Variants in PARM1 observed in about 807,000 individuals in gnomAD.
The protein encoded by PARM1 is WSC4, cell wall integrity and stress response component 4 homolog.
A neutral mutation model predicts 24.6 loss-of-function variants in PARM1; 14 were observed. That is an observed-to-expected ratio of 0.57 (90% CI 0.38 to 0.89). The LOEUF is 0.89. PARM1 is among the 40% of genes least tolerant of loss of function. The pLI, the probability that PARM1 is intolerant of heterozygous loss-of-function variation, is 0.00. For synonymous variants in PARM1, 179 were observed against 156.6 expected (o/e 1.14, Z -1.07); for missense variants, 362 against 380.4 (o/e 0.95, Z 0.40).
intron 1 of PARM1, among the ~76,000 whole-genome samples, chr4:74,981,719 A>G (rs2109772651): frequency 6.6e-6 from 1 of 152,120 alleles, no homozygotes; most frequent in Admixed American, 6.5e-5. Context: ...TACTAAAACT[A>G]CAAAAATTAG....
chr4:74,941,579 G>T (rs756667013), intron 1 of PARM1, among the ~76,000 whole-genome samples: 6 of 152,128 alleles, frequency 3.9e-5, no homozygotes, highest in African/African-American at 7.2e-5. Context: ...AGCAATAAGG[G>T]ATACCTCTTC....
At chr4:74,946,443 C>T (rs911222977) in intron 1 of PARM1, among the ~76,000 whole-genome samples, 1 of 152,278 alleles carries the variant, frequency 6.6e-6, no homozygotes, top group Non-Finnish European at 1.5e-5. Context: ...AGTCTTGGGA[C>T]TTATTTAGGC....
intron 1 of PARM1, among the ~76,000 whole-genome samples, chr4:75,006,980 C>A (rs1243821073): frequency 6.6e-6 from 1 of 152,110 alleles, no homozygotes; most frequent in Admixed American, 6.5e-5. Flanking sequence ...ACCCATCTGA[C>A]AAAGGGCTAA....
intron 3 of PARM1, among the ~76,000 whole-genome samples, chr4:75,034,385 C>T (rs144389508): frequency 7.9e-5 from 12 of 152,194 alleles, no homozygotes; most frequent in African/African-American, 1.2e-4. Context: ...GGATTTGTAC[C>T]CAATCTGTTA....
chr4:74,981,037 A>G (rs1003753618), intron 1 of PARM1, among the ~76,000 whole-genome samples: 1 of 152,220 alleles, frequency 6.6e-6, no homozygotes, highest in Non-Finnish European at 1.5e-5. Context: ...AATACCATTC[A>G]GAACATAGGC....
chr4:74,937,843 T>C (rs1052846317), intron 1 of PARM1, among the ~76,000 whole-genome samples: 1 of 152,240 alleles, frequency 6.6e-6, no homozygotes, highest in African/African-American at 2.4e-5. Flanking sequence ...GAAGAAAATA[T>C]TCTGAGCCTA....
chr4:75,005,598 C>T (rs1011072530), intron 1 of PARM1, among the ~76,000 whole-genome samples: 2 of 152,178 alleles, frequency 1.3e-5, no homozygotes, highest in Non-Finnish European at 2.9e-5. Context: ...ATCAGCCCCC[C>T]ACATCCCTCC....
At chr4:74,989,619 T>G (rs1174820256) in intron 1 of PARM1, among the ~76,000 whole-genome samples, 1 of 152,116 alleles carries the variant, frequency 6.6e-6, no homozygotes, top group Non-Finnish European at 1.5e-5. Context: ...CATAATTGAT[T>G]AAATCATTGG....
intron 1 of PARM1, among the ~76,000 whole-genome samples, chr4:74,979,205 T>A (rs981300942): frequency 3.9e-4 from 58 of 150,042 alleles, no homozygotes; most frequent in African/African-American, 1.4e-3. Flanking sequence ...TTAAAAAAAA[T>A]ATTAAAATAG....
chr4:74,968,197 G>T (rs1211130300), intron 1 of PARM1, among the ~76,000 whole-genome samples: 2 of 152,192 alleles, frequency 1.3e-5, no homozygotes, highest in Admixed American at 1.3e-4. Flanking sequence ...TTGTCTCCTG[G>T]AAAGCAGAGG....
intron 1 of PARM1, among the ~76,000 whole-genome samples, chr4:74,991,591 T>G (rs574157242): frequency 6.6e-6 from 1 of 152,174 alleles, no homozygotes; most frequent in Admixed American, 6.6e-5. Context: ...CGCATACTTA[T>G]GTAGAAACAT....
At chr4:74,951,180 T>C (rs186508153) in intron 1 of PARM1, among the ~76,000 whole-genome samples, 1 of 152,350 alleles carries the variant, frequency 6.6e-6, no homozygotes, top group Non-Finnish European at 1.5e-5. Context: ...ACAAGGATAG[T>C]AGCAGGTATA....
chr4:74,973,032 C>T (rs1485954357), intron 1 of PARM1, among the ~76,000 whole-genome samples: 2 of 152,160 alleles, frequency 1.3e-5, no homozygotes, highest in East Asian at 1.9e-4. Flanking sequence ...GAGTCAATCA[C>T]ACCTCACAGT....
intron 2 of PARM1, among the ~76,000 whole-genome samples, chr4:75,031,334 C>A (rs894281044): frequency 3.3e-5 from 5 of 152,116 alleles, no homozygotes; most frequent in Admixed American, 6.5e-5. Flanking sequence ...TTAGAAGTGC[C>A]CCTTTGCCCA....
chr4:74,967,686 C>T (rs1721933779), intron 1 of PARM1: 2 of 152,144 alleles, frequency 1.3e-5, no homozygotes, highest in Non-Finnish European at 2.9e-5. Flanking sequence ...TCTGAAAAGA[C>T]ATGAAAGAAG....
At chr4:74,970,188 G>A (rs1474983472) in intron 1 of PARM1, 1 of 152,222 alleles carries the variant, frequency 6.6e-6, no homozygotes, top group Non-Finnish European at 1.5e-5. Context: ...AGAAGTGTTA[G>A]TATGTGAACA....
chr4:75,025,136 A>G (rs557318613), intron 2 of PARM1, among the ~76,000 whole-genome samples: 1 of 152,374 alleles, frequency 6.6e-6, no homozygotes, highest in African/African-American at 2.4e-5. Flanking sequence ...CCTACTGAGC[A>G]AGACGGTGGC....
At chr4:75,006,136 T>A (rs1309708440) in intron 1 of PARM1, among the ~76,000 whole-genome samples, 1 of 152,228 alleles carries the variant, frequency 6.6e-6, no homozygotes, top group Non-Finnish European at 1.5e-5. Flanking sequence ...TATGGAGGCA[T>A]GACTTTTTAA....
At chr4:74,996,254 C>T (rs1048139055) in intron 1 of PARM1, among the ~76,000 whole-genome samples, 5 of 152,116 alleles carry the variant, frequency 3.3e-5, no homozygotes, top group Non-Finnish European at 5.9e-5. Context: ...GCTCACTCCA[C>T]TGAATATTGG....
Sources: gnomAD v4.1 joint callset for allele counts (sites outside exome capture counted in the v4.1 genomes callset) on GRCh38, gnomAD v4.1.1 for gene constraint, MANE v1.5 for transcripts, NCBI Gene and HGNC (gene_info 2026-07-23, HGNC 2026-07-21) for gene names.